The following KCNK13 variants were observed in gnomAD, a reference collection of about 807,000 sequenced individuals.
KCNK13 encodes potassium channel subfamily K member 13.
KCNK13 carries 12 observed loss-of-function variants against 23.4 expected under a neutral mutation model. That is an observed-to-expected ratio of 0.51 (90% confidence interval 0.33 to 0.83). The LOEUF (loss-of-function observed/expected upper bound fraction) is 0.83. KCNK13 is among the 40% of genes least tolerant of loss of function. KCNK13 has a pLI of 0.02. For missense variants in KCNK13, 463 were observed against 556.3 expected, an observed-to-expected ratio of 0.83 and a Z score of 1.69; for synonymous variants, 231 against 229.5, an observed-to-expected ratio of 1.01 and a Z score of -0.06.
chr14:90,091,616 C>T (rs147512931), intron 1 of KCNK13, among the ~76,000 whole-genome samples: 2,607 of 152,042 alleles, frequency 0.017, 31 homozygotes, highest in Admixed American at 0.03. Context: ...GAATGCAGAA[C>T]ACTGGGCATG....
At chr14:90,181,178 G>A (rs925219031) in intron 1 of KCNK13, among the ~76,000 whole-genome samples, 2 of 152,172 alleles carry the variant, frequency 1.3e-5, no homozygotes, top group African/African-American at 2.4e-5. Flanking sequence ...TTTGTAGATA[G>A]TTAGTCTCAG....
intron 1 of KCNK13, among the ~76,000 whole-genome samples, chr14:90,183,156 A>G (rs901590632): frequency 3.9e-5 from 6 of 152,226 alleles, no homozygotes; most frequent in African/African-American, 1.4e-4. Context: ...GTGCACAGGT[A>G]GAAAGGTCAG....
chr14:90,138,143 A>G (rs964304465), intron 1 of KCNK13, among the ~76,000 whole-genome samples: 3 of 152,078 alleles, frequency 2.0e-5, no homozygotes, highest in Non-Finnish European at 4.4e-5. Context: ...TTTCCATGCT[A>G]TTTTTTTCAA....
At chr14:90,104,990 A>G (rs961606870) in intron 1 of KCNK13, among the ~76,000 whole-genome samples, 2 of 151,630 alleles carry the variant, frequency 1.3e-5, no homozygotes, top group African/African-American at 4.8e-5. Flanking sequence ...GGGTTTCACC[A>G]TGTTGGCCAG....
intron 1 of KCNK13, among the ~76,000 whole-genome samples, chr14:90,089,671 T>C (rs1227061574): frequency 6.6e-6 from 1 of 152,226 alleles, no homozygotes; most frequent in Admixed American, 6.5e-5. Context: ...GTTTTCACAG[T>C]AGCCCCTCCC....
At chr14:90,076,060 C>G (rs1889130919) in intron 1 of KCNK13, among the ~76,000 whole-genome samples, 1 of 152,210 alleles carries the variant, frequency 6.6e-6, no homozygotes, top group Non-Finnish European at 1.5e-5. Flanking sequence ...TGTTTTCTGT[C>G]TGGTGCTTTT....
intron 1 of KCNK13, among the ~76,000 whole-genome samples, chr14:90,064,406 TGA>T (rs1888983894): frequency 6.6e-6 from 1 of 151,960 alleles, no homozygotes; most frequent in Admixed American, 6.6e-5. Flanking sequence ...TAGCAGGAAC[TGA>T]GAGTGGCATG....
chr14:90,152,103 G>T (rs1890139642), intron 1 of KCNK13, among the ~76,000 whole-genome samples: 1 of 152,170 alleles, frequency 6.6e-6, no homozygotes, highest in Admixed American at 6.5e-5. Flanking sequence ...TTGTGGGAGG[G>T]ACCAGATGGG....
At position 90,062,176 on chromosome 14, in the gene KCNK13, G is replaced by A; in HGVS notation, c.-30G>A. On this transcript the variant is annotated 5_prime_UTR_variant, in exon 1 of 2. Coordinates refer to ENST00000282146, the MANE Select transcript of KCNK13 (RefSeq NM_022054.4). The surrounding 1 kb of genome is among the most constrained non-coding windows in gnomAD (Gnocchi z 4.5). ...GACTCCGCCGACGCCCGGTGCCGTG[G>A]GCCTGGGGGCTGCCCCCGGGGGCCC... 3 of 1,335,220 alleles carry A rather than the reference G, an allele frequency of 2.2e-6. No homozygotes were observed. The highest frequency in any genetic ancestry group is 2.9e-6 in the Non-Finnish European group (3 of 1,037,664). 82.7% of individuals were successfully genotyped at this position (1,335,220 alleles called of 1,614,324 possible).
At chr14:90,083,999 A>T (rs1889242575) in intron 1 of KCNK13, among the ~76,000 whole-genome samples, 1 of 152,224 alleles carries the variant, frequency 6.6e-6, no homozygotes, top group Admixed American at 6.5e-5. Context: ...CATGAAATTG[A>T]CATCTGGACT....
chr14:90,072,561 C>T (rs575224005), intron 1 of KCNK13, among the ~76,000 whole-genome samples: 28 of 152,284 alleles, frequency 1.8e-4, no homozygotes, highest in African/African-American at 6.0e-4. Context: ...CGCATAGCAT[C>T]GCTCTTGAGT....
chr14:90,166,754 T>C (rs1890308198), intron 1 of KCNK13, among the ~76,000 whole-genome samples: 1 of 150,784 alleles, frequency 6.6e-6, no homozygotes, highest in Non-Finnish European at 1.5e-5. Context: ...AGACTGTGGG[T>C]CTACCTGCCT....
At chr14:90,137,273 G>A (rs959355906) in intron 1 of KCNK13, among the ~76,000 whole-genome samples, 2 of 151,322 alleles carry the variant, frequency 1.3e-5, no homozygotes, top group African/African-American at 2.4e-5. Flanking sequence ...CCTTTGGCCA[G>A]TGTTTCTACT....
At chr14:90,091,821 G>T (rs1889348367) in intron 1 of KCNK13, among the ~76,000 whole-genome samples, 1 of 151,956 alleles carries the variant, frequency 6.6e-6, no homozygotes, top group Non-Finnish European at 1.5e-5. Flanking sequence ...CATCAGAAAA[G>T]CAGTGGTAGC....
intron 1 of KCNK13, among the ~76,000 whole-genome samples, chr14:90,102,075 A>G (rs1444625815): frequency 1.3e-5 from 2 of 151,670 alleles, no homozygotes. Flanking sequence ...TAGAGATGGG[A>G]TTTCTCCATG....
chr14:90,089,496 T>C (rs1889317939), intron 1 of KCNK13, among the ~76,000 whole-genome samples: 1 of 152,150 alleles, frequency 6.6e-6, no homozygotes, highest in Non-Finnish European at 1.5e-5. Flanking sequence ...ATAAGGGAAA[T>C]AGAGCATAAA....
intron 1 of KCNK13, among the ~76,000 whole-genome samples, chr14:90,108,237 G>A (rs1476660880): frequency 1.3e-5 from 2 of 152,166 alleles, no homozygotes; most frequent in Non-Finnish European, 2.9e-5. Flanking sequence ...TTCTGGCCTA[G>A]GATTCGCTCA....
At chr14:90,172,736 A>G (rs1343738302) in intron 1 of KCNK13, among the ~76,000 whole-genome samples, 1 of 152,322 alleles carries the variant, frequency 6.6e-6, no homozygotes, top group Middle Eastern at 3.4e-3. Flanking sequence ...CTGAGAGGCA[A>G]TTGGCCATGC....
intron 1 of KCNK13, among the ~76,000 whole-genome samples, chr14:90,149,165 G>A (rs531700086): frequency 1.3e-5 from 2 of 152,146 alleles, no homozygotes; most frequent in Non-Finnish European, 2.9e-5. Flanking sequence ...AGACCAGCCT[G>A]ACCGATATGG....
Sources: allele counts gnomAD v4.1 joint callset (sites outside exome capture counted in the v4.1 genomes callset), GRCh38; gene constraint gnomAD v4.1.1; non-coding constraint Gnocchi (gnomAD v3.1); transcripts MANE v1.5; gene names NCBI Gene and HGNC (gene_info 2026-07-23, HGNC 2026-07-21).